Variants in GNG7 observed in about 807,000 individuals in gnomAD.
The protein encoded by GNG7 is guanine nucleotide-binding protein G(I)/G(S)/G(O) subunit gamma-7.
GNG7 carries 1 observed loss-of-function variant against 4.0 expected under a neutral mutation model. That is an observed-to-expected ratio of 0.25 (90% CI 0.09 to 1.18). The LOEUF is 1.18. GNG7 is among the 50% of genes most tolerant of loss of function. The pLI is 0.50. For synonymous variants in GNG7, 34 were observed against 36.9 expected (o/e 0.92, Z 0.29); for missense variants, 86 against 91.9 (o/e 0.94, Z 0.26).
At chr19:2,666,780 C>G (rs1240371772) in intron 1 of GNG7, among the ~76,000 whole-genome samples, 2 of 152,208 alleles carry the variant, frequency 1.3e-5, no homozygotes, top group Non-Finnish European at 2.9e-5. Context: ...ATGGGCATGG[C>G]CCATCGTGTG....
chr19:2,515,214 C>CTTGG, intron 4 of GNG7, 67 bp from the exon 5 acceptor site: 1 of 1,593,464 alleles, frequency 6.3e-7, no homozygotes. Flanking sequence ...GGGTTCACAG[C>CTTGG]AGCACCATTC....
chr19:2,547,439 C>A (rs1278519374), intron 3 of GNG7, among the ~76,000 whole-genome samples: 1 of 152,086 alleles, frequency 6.6e-6, no homozygotes, highest in Non-Finnish European at 1.5e-5. Context: ...AGACACAGCA[C>A]AGCCTCTTCA....
intron 2 of GNG7, among the ~76,000 whole-genome samples, chr19:2,575,802 G>GGC (rs1171188989): frequency 2.4e-4 from 27 of 110,266 alleles, no homozygotes; most frequent in African/African-American, 9.5e-4. Flanking sequence ...GGCACACACA[G>GGC]ACATGCAGAC....
At chr19:2,674,384 G>T (rs1983541236) in intron 1 of GNG7, among the ~76,000 whole-genome samples, 1 of 152,132 alleles carries the variant, frequency 6.6e-6, no homozygotes, top group African/African-American at 2.4e-5. Context: ...TCGTCACACT[G>T]CTGGGAAAAG....
In GNG7 at chr19:2,702,663, G is replaced by GGCCGCCTCAGCCCCGCC. The variant is rs1219185912; in HGVS notation, c.-169_-153dup. ...GCCCTTACCTGCGCTCGGGCCCCGCGGCCGCCTCAGCCCCGCCGCGCAGCC... is the reference window on the plus strand; with the variant it reads ...GCCCTTACCTGCGCTCGGGCCCCGCGGCCGCCTCAGCCCCGCCGCCGCCTCAGCCCCGCCGCGCAGCC... On this transcript the variant is annotated 5_prime_UTR_variant, in exon 1 of 5. Transcript: ENST00000382159. 1 of 151,422 alleles carries GGCCGCCTCAGCCCCGCC rather than the reference G, an allele frequency of 6.6e-6. No individual in the cohort carries two copies. Among genetic ancestry groups the GGCCGCCTCAGCCCCGCC allele is most frequent in the East Asian group, 1.9e-4 (1 of 5,148 alleles). The allele number at this position is 151,422 out of a possible 1,614,324, so 9.4% of individuals were successfully genotyped here.
rs1189465046 is a variant in GNG7 at position 2,568,640 on chromosome 19, TATACACAA to T, written c.-77-13460_-77-13453del. The stretch of plus-strand genomic sequence containing the variant: ...ATACACATACACACATATATACACA[TATACACAA>T]ATACACATATACACATACACATACA... On this transcript the variant is annotated intron_variant, in intron 2 of 4. Coordinates refer to ENST00000382159, the MANE Select transcript of GNG7 (RefSeq NM_052847.3). 8.2e-5 allele frequency among the ~76,000 whole-genome samples: 10 copies of T among 121,840 alleles called. 1 individual carries two copies. Among genetic ancestry groups the T allele is most frequent in the African/African-American group, 2.9e-4 (10 of 34,198 alleles). 79.9% of individuals were successfully genotyped at this position (121,840 alleles called of 152,430 possible).
intron 2 of GNG7, among the ~76,000 whole-genome samples, chr19:2,596,676 A>ACCCC (rs1324344943): frequency 2.5e-4 from 24 of 96,160 alleles, no homozygotes; most frequent in African/African-American, 9.6e-4. Context: ...CCCCCCCCCA[A>ACCCC]AAAAAAAAGT....
At chr19:2,643,127 G>C in intron 2 of GNG7, 1 of 453,610 alleles carries the variant, frequency 2.2e-6, no homozygotes, top group Non-Finnish European at 4.4e-6. Flanking sequence ...GCCCTCTCCG[G>C]GCTCTGCACA....
In GNG7 at chr19:2,513,424, G is replaced by T; in HGVS notation, c.*1598C>A. On this transcript the variant is annotated 3_prime_UTR_variant, in exon 5 of 5. Transcript: ENST00000382159. ...CTGCGTGGGGTCCATCTCAGGTGTGGCCGCAGGTGATGCCGGCAGGCCCTG... is the reference window on the plus strand; with the variant it reads ...CTGCGTGGGGTCCATCTCAGGTGTGTCCGCAGGTGATGCCGGCAGGCCCTG... The T allele has an allele frequency of 1.2e-6, 1 of 840,186 alleles. No homozygotes were observed. Among genetic ancestry groups the T allele is most frequent in the Non-Finnish European group, 1.4e-6 (1 of 697,428 alleles). The allele number at this position is 840,186 out of a possible 1,614,324, so 52.0% of individuals were successfully genotyped here.
At chr19:2,516,584 T>G (rs574420526) in intron 4 of GNG7, among the ~76,000 whole-genome samples, 1 of 152,310 alleles carries the variant, frequency 6.6e-6, no homozygotes, top group East Asian at 1.9e-4. Context: ...TTGCCAGATT[T>G]TGAACACAAA....
intron 1 of GNG7, among the ~76,000 whole-genome samples, chr19:2,678,225 A>G (rs1199615504): frequency 1.3e-5 from 2 of 152,186 alleles, no homozygotes; most frequent in African/African-American, 2.4e-5. Context: ...GACTGTGGTC[A>G]CTTCCATCTC....
intron 1 of GNG7, among the ~76,000 whole-genome samples, chr19:2,681,782 TTTG>T (rs1289311182): frequency 2.6e-5 from 4 of 152,082 alleles, no homozygotes; most frequent in Non-Finnish European, 5.9e-5. Flanking sequence ...CTTGTGATTG[TTTG>T]TTGTTTTGGT....
At chr19:2,597,254 G>C (rs1029067652) in intron 2 of GNG7, among the ~76,000 whole-genome samples, 1 of 152,036 alleles carries the variant, frequency 6.6e-6, no homozygotes, top group East Asian at 1.9e-4. Flanking sequence ...GACAGAGAAA[G>C]AAGATCCTGT....
intron 2 of GNG7, among the ~76,000 whole-genome samples, chr19:2,623,017 G>A (rs1173085695): frequency 6.6e-6 from 1 of 152,178 alleles, no homozygotes; most frequent in Non-Finnish European, 1.5e-5. Flanking sequence ...GCCACTTTCC[G>A]GCTAAGGTCC....
chr19:2,645,853 G>C (rs563887746), intron 2 of GNG7, among the ~76,000 whole-genome samples: 1 of 152,288 alleles, frequency 6.6e-6, no homozygotes, highest in South Asian at 2.1e-4. Context: ...GGCCAGCGAC[G>C]GGTCACTCTC....
chr19:2,516,956 G>C (rs924485566), intron 4 of GNG7: 1 of 152,264 alleles, frequency 6.6e-6, no homozygotes, highest in African/African-American at 2.4e-5. Context: ...GCAGGGCTGG[G>C]GCTGGGGTGT....
chr19:2,575,930 CACAT>C (rs1980319946), intron 2 of GNG7, among the ~76,000 whole-genome samples: 1 of 151,442 alleles, frequency 6.6e-6, no homozygotes, highest in African/African-American at 2.4e-5. Flanking sequence ...GACACACAGG[CACAT>C]ACAGACACAC....
At chr19:2,597,505 G>A (rs965727330) in intron 2 of GNG7, among the ~76,000 whole-genome samples, 4 of 151,962 alleles carry the variant, frequency 2.6e-5, no homozygotes, top group Non-Finnish European at 5.9e-5. Flanking sequence ...GCTGAGGCAG[G>A]AGAATCGCTT....
intron 2 of GNG7, among the ~76,000 whole-genome samples, chr19:2,608,106 A>C (rs1378814013): frequency 1.3e-5 from 2 of 151,574 alleles, no homozygotes; most frequent in African/African-American, 4.9e-5. Context: ...AGGAAAAAAA[A>C]AATAAATAAA....
Sources: allele counts gnomAD v4.1 joint callset (sites outside exome capture counted in the v4.1 genomes callset), GRCh38; gene constraint gnomAD v4.1.1; transcripts MANE v1.5; gene names NCBI Gene and HGNC (gene_info 2026-07-23, HGNC 2026-07-21).